PBX3: variants seen among roughly 807,000 people sequenced by gnomAD.
PBX3 encodes PBX homeobox 3.
PBX3 carries 14 observed loss-of-function variants against 48.5 expected under a neutral mutation model. The observed-to-expected ratio is 0.29, with a 90% confidence interval of 0.19 to 0.45. The LOEUF (loss-of-function observed/expected upper bound fraction) is 0.45. Ranked by LOEUF, PBX3 falls within the 20% of genes least tolerant of loss-of-function variation. PBX3 has a pLI of 1.00. For missense variants in PBX3, 386 were observed against 546.7 expected (o/e 0.71, Z 2.93); for synonymous variants, 210 against 200.3 (o/e 1.05, Z -0.41).
chr9:125,808,361 T>C (rs1483267680), intron 2 of PBX3, among the ~76,000 whole-genome samples: 1 of 152,144 alleles, frequency 6.6e-6, no homozygotes, highest in Non-Finnish European at 1.5e-5. Flanking sequence ...TTCTCATTAT[T>C]TATAGCAATT....
chr9:125,873,959 A>G (rs574037036), intron 2 of PBX3, among the ~76,000 whole-genome samples: 1 of 152,300 alleles, frequency 6.6e-6, no homozygotes, highest in African/African-American at 2.4e-5. Flanking sequence ...ATGCAAACAA[A>G]AAAGAAGGAA....
At chr9:125,863,422 G>GTAGA (rs1839910023) in intron 2 of PBX3, among the ~76,000 whole-genome samples, 1 of 151,724 alleles carries the variant, frequency 6.6e-6, no homozygotes, top group South Asian at 2.1e-4. Context: ...ATGTTGGCCA[G>GTAGA]GATTGTCTCG....
intron 2 of PBX3, among the ~76,000 whole-genome samples, chr9:125,850,165 A>G (rs1839540360): frequency 6.6e-6 from 1 of 152,076 alleles, no homozygotes; most frequent in African/African-American, 2.4e-5. Context: ...ATTAAATTGT[A>G]GCGTTAAATT....
intron 2 of PBX3, among the ~76,000 whole-genome samples, chr9:125,802,301 C>T (rs10986932): frequency 0.018 from 2,728 of 148,036 alleles, 167 homozygotes; most frequent in East Asian, 0.17. Flanking sequence ...TCTGTTGTTC[C>T]CATCTTTATG....
chr9:125,953,885 A>G (rs1842246703), intron 5 of PBX3, among the ~76,000 whole-genome samples: 2 of 150,408 alleles, frequency 1.3e-5, no homozygotes, highest in African/African-American at 4.9e-5. Context: ...ACTTGGGGGG[A>G]CGCATACTGT....
intron 2 of PBX3, among the ~76,000 whole-genome samples, chr9:125,881,430 C>A (rs2132351500): frequency 6.6e-6 from 1 of 152,268 alleles, no homozygotes; most frequent in Non-Finnish European, 1.5e-5. Context: ...GGTAAATTGA[C>A]AGCTAAGTTA....
intron 1 of PBX3, 94 bp from the exon 2 acceptor site, chr9:125,748,456 G>A (rs1836270691): frequency 2.6e-6 from 4 of 1,541,058 alleles, no homozygotes; most frequent in Admixed American, 1.8e-5. Flanking sequence ...AGAATGGGGG[G>A]CTGGAATTAA....
chr9:125,793,664 A>T (rs2132073059), intron 2 of PBX3, among the ~76,000 whole-genome samples: 2 of 151,978 alleles, frequency 1.3e-5, no homozygotes, highest in South Asian at 4.1e-4. Context: ...TCCTGACCTC[A>T]GGTAATCCGC....
intron 2 of PBX3, among the ~76,000 whole-genome samples, chr9:125,892,186 G>A (rs981285667): frequency 2.0e-5 from 3 of 152,124 alleles, no homozygotes; most frequent in African/African-American, 7.2e-5. Context: ...GCCTCCCAAA[G>A]TGCTGGGATT....
chr9:125,930,514 C>T (rs1314680987), intron 4 of PBX3, among the ~76,000 whole-genome samples: 1 of 152,218 alleles, frequency 6.6e-6, no homozygotes, highest in Non-Finnish European at 1.5e-5. Context: ...CGGGGCATTG[C>T]TAAAGCTTAT....
intron 2 of PBX3, among the ~76,000 whole-genome samples, chr9:125,898,172 C>T (rs1223223312): frequency 6.6e-6 from 1 of 151,670 alleles, no homozygotes; most frequent in African/African-American, 2.4e-5. Context: ...AGTGGTTTTG[C>T]ATTTTTAGAA....
At chr9:125,890,907 A>G (rs1049601540) in intron 2 of PBX3, among the ~76,000 whole-genome samples, 1 of 152,256 alleles carries the variant, frequency 6.6e-6, no homozygotes, top group African/African-American at 2.4e-5. Context: ...TTGTGTGCAC[A>G]GCATTTAATG....
intron 2 of PBX3, among the ~76,000 whole-genome samples, chr9:125,798,561 G>T (rs537757583): frequency 3.3e-5 from 5 of 152,206 alleles, no homozygotes; most frequent in Non-Finnish European, 7.4e-5. Flanking sequence ...TTCAACAAAT[G>T]ATTACTGAAT....
chr9:125,803,288 A>G (rs1221045785), intron 2 of PBX3, among the ~76,000 whole-genome samples: 2 of 151,146 alleles, frequency 1.3e-5, no homozygotes, highest in Non-Finnish European at 2.9e-5. Flanking sequence ...GGGTTTCATC[A>G]TGTTGGCCAG....
At chr9:125,961,324 G>A (rs1192855626) in intron 6 of PBX3, among the ~76,000 whole-genome samples, 4 of 152,208 alleles carry the variant, frequency 2.6e-5, no homozygotes, top group East Asian at 3.9e-4. Context: ...TCTGAGCGGG[G>A]CTGACGGCAT....
At chr9:125,882,057 T>TA (rs1840395282) in intron 2 of PBX3, among the ~76,000 whole-genome samples, 1 of 151,374 alleles carries the variant, frequency 6.6e-6, no homozygotes, top group Admixed American at 6.6e-5. Context: ...AAATAAATAA[T>TA]AAAATAAAAA....
intron 2 of PBX3, among the ~76,000 whole-genome samples, chr9:125,899,507 A>C (rs1253610546): frequency 7.3e-6 from 1 of 136,638 alleles, no homozygotes. Flanking sequence ...CAGGCAGGGG[A>C]GGTTATTGTC....
chr9:125,781,600 G>GAGAGGC (rs1396097899), intron 2 of PBX3, among the ~76,000 whole-genome samples: 7 of 149,132 alleles, frequency 4.7e-5, no homozygotes, highest in South Asian at 2.1e-4. Flanking sequence ...AGGCGAGAGG[G>GAGAGGC]AGAGGCAGAG....
intron 2 of PBX3, among the ~76,000 whole-genome samples, chr9:125,778,601 TTTTC>T (rs1236369443): frequency 7.2e-5 from 6 of 82,914 alleles, no homozygotes; most frequent in Admixed American, 1.3e-4. Flanking sequence ...TTTGTTGATC[TTTTC>T]TTTTTTTTTT....
Sources: allele counts gnomAD v4.1 joint callset (sites outside exome capture counted in the v4.1 genomes callset), GRCh38; gene constraint gnomAD v4.1.1; transcripts MANE v1.5; gene names NCBI Gene and HGNC (gene_info 2026-07-23, HGNC 2026-07-21).